The following DLGAP2 variants were observed in gnomAD, a reference collection of about 807,000 sequenced individuals.
DLGAP2 encodes DLG associated protein 2, also known as disks large-associated protein 2.
DLGAP2 carries 26 observed loss-of-function variants against 100.3 expected under a neutral mutation model. That is an observed-to-expected ratio of 0.26 (90% CI 0.19 to 0.36). DLGAP2 has a LOEUF of 0.36. DLGAP2 is among the 10% of genes least tolerant of loss of function. DLGAP2 has a pLI of 1.00. For synonymous variants in DLGAP2, 886 were observed against 630.1 expected (o/e 1.41, Z -6.08); for missense variants, 1,858 against 1,453.2 (o/e 1.28, Z -4.53).
intron 6 of DLGAP2, chr8:1,621,880 C>T (rs1346986547): frequency 6.6e-6 from 1 of 152,066 alleles, no homozygotes; most frequent in East Asian, 1.9e-4. Context: ...ATGTGGGTGC[C>T]AACAGTGAGA....
chr8:914,108 A>G (rs924286943), intron 2 of DLGAP2, among the ~76,000 whole-genome samples: 7 of 152,212 alleles, frequency 4.6e-5, no homozygotes, highest in Non-Finnish European at 1.0e-4. Context: ...CAGATACTAA[A>G]ATTATTTATA....
At chr8:1,218,181 G>C (rs1798249567) in intron 2 of DLGAP2, among the ~76,000 whole-genome samples, 1 of 152,134 alleles carries the variant, frequency 6.6e-6, no homozygotes, top group Admixed American at 6.5e-5. Flanking sequence ...GTTCAGAATG[G>C]TATTTTCTAG....
chr8:860,156 C>T (rs1174163409), intron 1 of DLGAP2, among the ~76,000 whole-genome samples: 2 of 152,158 alleles, frequency 1.3e-5, no homozygotes, highest in Non-Finnish European at 2.9e-5. Flanking sequence ...TGTCATGGCT[C>T]CAGGAGCTTT....
At chr8:1,618,885 C>G (rs1340141718) in intron 6 of DLGAP2, among the ~76,000 whole-genome samples, 1 of 152,134 alleles carries the variant, frequency 6.6e-6, no homozygotes, top group Admixed American at 6.5e-5. Context: ...ACGAGTAGCA[C>G]CCTCCTCTAA....
chr8:1,295,255 GTC>G (rs1800144745), intron 3 of DLGAP2, among the ~76,000 whole-genome samples: 1 of 152,168 alleles, frequency 6.6e-6, no homozygotes. Flanking sequence ...CCTCCATGCC[GTC>G]TCTTTCTTTC....
rs1028811613 is a variant in DLGAP2, at chr8:989,156, T to A, written c.73+81190T>A. Among the ~76,000 whole-genome samples the A allele has an allele frequency of 2.0e-5, 3 of 152,238 alleles. No individual in the cohort carries two copies. In the East Asian group the frequency reaches 5.8e-4, roughly 29 times the overall value. On this transcript the variant is annotated intron_variant, in intron 2 of 14. Coordinates refer to ENST00000637795, the MANE Select transcript of DLGAP2 (RefSeq NM_001346810.2). ...CCCTGCGCGGCACCACCTTGCCGTGTTCCACACTGGCCTTTGATCAGAGCA... is the reference window on the plus strand; with the variant it reads ...CCCTGCGCGGCACCACCTTGCCGTGATCCACACTGGCCTTTGATCAGAGCA...
chr8:1,024,780 C>T (rs927493604), intron 2 of DLGAP2, among the ~76,000 whole-genome samples: 3 of 152,312 alleles, frequency 2.0e-5, no homozygotes, highest in Non-Finnish European at 2.9e-5. Context: ...TCTTATGGAG[C>T]CTCCTGTGGG....
intron 2 of DLGAP2, among the ~76,000 whole-genome samples, chr8:949,654 T>A (rs771749805): frequency 6.6e-6 from 1 of 152,232 alleles, no homozygotes; most frequent in Non-Finnish European, 1.5e-5. Context: ...TGGCAGGTCC[T>A]CTTTCTCCTA....
At chr8:753,165 G>A (rs1585825756) in intron 1 of DLGAP2, among the ~76,000 whole-genome samples, 1 of 152,216 alleles carries the variant, frequency 6.6e-6, no homozygotes, top group East Asian at 1.9e-4. Context: ...AGACCTGACC[G>A]CTTAGGGCCG....
At chr8:1,536,091 C>T (rs1185258799) in intron 4 of DLGAP2, among the ~76,000 whole-genome samples, 2 of 152,274 alleles carry the variant, frequency 1.3e-5, no homozygotes, top group African/African-American at 2.4e-5. Context: ...ACAGTCAACT[C>T]GGTGTAGCAG....
intron 2 of DLGAP2, among the ~76,000 whole-genome samples, chr8:1,255,151 C>CTCA (rs1173008809): frequency 1.1e-3 from 141 of 128,940 alleles, no homozygotes; most frequent in African/African-American, 1.4e-3. Flanking sequence ...TGTGTGTCCT[C>CTCA]TCCTGCCCGG....
At chr8:1,638,617 A>G (rs1415450110) in intron 8 of DLGAP2, among the ~76,000 whole-genome samples, 1 of 152,126 alleles carries the variant, frequency 6.6e-6, no homozygotes, top group Admixed American at 6.5e-5. Flanking sequence ...TGTGCCAGGC[A>G]CAGGTGCAGG....
chr8:1,189,959 T>G (rs1308827686), intron 2 of DLGAP2, among the ~76,000 whole-genome samples: 2 of 152,072 alleles, frequency 1.3e-5, no homozygotes, highest in Non-Finnish European at 2.9e-5. Flanking sequence ...GTAGGGTGAA[T>G]GAGATTGCAG....
intron 3 of DLGAP2, among the ~76,000 whole-genome samples, chr8:1,397,136 T>C (rs1270997067): frequency 1 from 6 of 6 alleles, 3 homozygotes; most frequent in East Asian, 1. Flanking sequence ...GCTTACTGAG[T>C]GCCACCTCCT....
chr8:905,210 A>G (rs2128998260), intron 1 of DLGAP2, among the ~76,000 whole-genome samples: 1 of 152,130 alleles, frequency 6.6e-6, no homozygotes, highest in East Asian at 1.9e-4. Flanking sequence ...TGGGAGCCGC[A>G]GGGTGGGCAC....
At chr8:761,504 T>C (rs1585835081) in intron 1 of DLGAP2, among the ~76,000 whole-genome samples, 1 of 152,252 alleles carries the variant, frequency 6.6e-6, no homozygotes, top group Non-Finnish European at 1.5e-5. Context: ...ATGGCGTTGC[T>C]TTTAAACAAA....
chr8:1,009,338 A>G (rs4415346), intron 2 of DLGAP2, among the ~76,000 whole-genome samples: 116,107 of 152,180 alleles, frequency 0.76, 44,621 homozygotes, highest in African/African-American at 0.78. Flanking sequence ...TAGATGTCAT[A>G]TCGGATAACG....
intron 2 of DLGAP2, among the ~76,000 whole-genome samples, chr8:1,042,419 G>GAATCTGTC (rs1180862527): frequency 6.6e-6 from 1 of 152,230 alleles, no homozygotes; most frequent in Non-Finnish European, 1.5e-5. Context: ...ATCTGACCTT[G>GAATCTGTC]AATCTGTCAG....
At chr8:1,084,417 A>C (rs1175802873) in intron 2 of DLGAP2, among the ~76,000 whole-genome samples, 1 of 152,218 alleles carries the variant, frequency 6.6e-6, no homozygotes, top group East Asian at 1.9e-4. Context: ...TCTTGGCAAT[A>C]TTTAAATGTA....
Sources: gnomAD v4.1 joint callset for allele counts (sites outside exome capture counted in the v4.1 genomes callset) on GRCh38, gnomAD v4.1.1 for gene constraint, MANE v1.5 for transcripts, NCBI Gene and HGNC (gene_info 2026-07-23, HGNC 2026-07-21) for gene names.